The following SLC25A27 variants were observed in gnomAD, a reference collection of about 807,000 sequenced individuals.
SLC25A27 encodes the protein mitochondrial uncoupling protein 4.
Under a neutral mutation model 49.1 loss-of-function variants are expected in SLC25A27, and 35 were observed. That is an observed-to-expected ratio of 0.71 (90% CI 0.54 to 0.95). The LOEUF is 0.95. SLC25A27 is among the 40% of genes least tolerant of loss of function. The pLI is 0.00. For missense variants in SLC25A27, 339 were observed against 397.1 expected (o/e 0.85, Z 1.24); for synonymous variants, 144 against 136.9 (o/e 1.05, Z -0.36).
At chr6:46,671,032 T>C in intron 7 of SLC25A27, 94 bp from the exon 8 acceptor site, 1 of 887,858 alleles carries the variant, frequency 1.1e-6, no homozygotes, top group Non-Finnish European at 1.7e-6. Flanking sequence ...GCCCGGCCAA[T>C]ATTTAATTTT....
chr6:46,655,008 T>A (rs914229111), intron 1 of SLC25A27, among the ~76,000 whole-genome samples: 1 of 152,208 alleles, frequency 6.6e-6, no homozygotes, highest in African/African-American at 2.4e-5. Context: ...TCTATCTTCC[T>A]TATGTAGGCC....
At chr6:46,655,698 A>AT in intron 1 of SLC25A27, 145 bp from the exon 2 acceptor site, 1 of 692,802 alleles carries the variant, frequency 1.4e-6, no homozygotes. Context: ...GAAATTTCTA[A>AT]TTTTTAAAAT....
chr6:46,661,512 A>C (rs897368369), intron 3 of SLC25A27, among the ~76,000 whole-genome samples: 2 of 152,238 alleles, frequency 1.3e-5, no homozygotes, highest in African/African-American at 4.8e-5. Flanking sequence ...ACAGTGCAGA[A>C]CACTGTACAA....
chr6:46,666,059 C>T (rs1424849961), intron 5 of SLC25A27, among the ~76,000 whole-genome samples: 1 of 152,154 alleles, frequency 6.6e-6, no homozygotes, highest in Non-Finnish European at 1.5e-5. Context: ...CCACTGCCTG[C>T]ACATACCAAA....
chr6:46,653,938 CCTT>C (rs1762870590), intron 1 of SLC25A27: 5 of 830,098 alleles, frequency 6.0e-6, no homozygotes, highest in Non-Finnish European at 2.9e-6. Context: ...CCAGTTCTGA[CCTT>C]CTTACAGGCT....
In SLC25A27 at chr6:46,677,445, TC is replaced by T; in HGVS notation, c.*992del. On this transcript the variant is annotated 3_prime_UTR_variant, in exon 9 of 9. Coordinates refer to ENST00000371347, the MANE Select transcript of SLC25A27 (RefSeq NM_004277.5). The stretch of plus-strand genomic sequence containing the variant: ...ATCTCCCTTACCTGACACTAGGGGC[TC>T]TAGAGAGGCAGAGAGAGCACTCACA... 6.6e-6 allele frequency: 1 copy of T among 152,148 alleles called. No homozygotes were observed. Among genetic ancestry groups the T allele is most frequent in the African/African-American group, 2.4e-5 (1 of 41,426 alleles). 9.4% of individuals were successfully genotyped at this position (152,148 alleles called of 1,614,324 possible). A position where few individuals can be genotyped will look rare whatever the true frequency, so the allele number is the denominator to read the frequency against.
intron 3 of SLC25A27, among the ~76,000 whole-genome samples, chr6:46,661,213 T>C (rs1352284753): frequency 2.0e-5 from 3 of 151,870 alleles, no homozygotes; most frequent in African/African-American, 7.3e-5. Flanking sequence ...GAGAAACAGG[T>C]ATGAGAGATG....
chr6:46,667,712 C>T (rs1432597007), intron 5 of SLC25A27, among the ~76,000 whole-genome samples: 1 of 152,058 alleles, frequency 6.6e-6, no homozygotes, highest in African/African-American at 2.4e-5. Context: ...GCCTGATCAC[C>T]CAATTTAAAA....
intron 1 of SLC25A27, chr6:46,653,644 A>G: frequency 1.0e-6 from 1 of 985,186 alleles, no homozygotes; most frequent in Non-Finnish European, 1.2e-6. Flanking sequence ...TTCCATCCTT[A>G]CTGAGATCAT....
intron 3 of SLC25A27, among the ~76,000 whole-genome samples, chr6:46,659,965 C>A (rs1233861483): frequency 6.6e-6 from 1 of 151,926 alleles, no homozygotes; most frequent in Non-Finnish European, 1.5e-5. Flanking sequence ...CCTCCTCCAT[C>A]CTCAAATGTG....
intron 4 of SLC25A27, among the ~76,000 whole-genome samples, chr6:46,663,982 C>A (rs1763245493): frequency 6.6e-6 from 1 of 152,104 alleles, no homozygotes; most frequent in African/African-American, 2.4e-5. Context: ...TTACAGTGAT[C>A]ATCATTCATG....
At position 46,677,067 on chromosome 6, in the gene SLC25A27, A is replaced by G. The variant is rs1358785070; in HGVS notation, c.*613A>G. 1 of 201,626 alleles carries G rather than the reference A, an allele frequency of 5.0e-6. No homozygotes were observed. 12.5% of individuals were successfully genotyped at this position (201,626 alleles called of 1,614,324 possible). On this transcript the variant is annotated 3_prime_UTR_variant, in exon 9 of 9. Coordinates refer to ENST00000371347, the MANE Select transcript of SLC25A27 (RefSeq NM_004277.5). The stretch of plus-strand genomic sequence containing the variant: ...AGATAAAAAAAATCAAGTTGAGATG[A>G]TGTTTGAATTTCAAGAAAAGAGGCT...
At chr6:46,655,531 G>GTTTTTTTTTT (rs1283936753) in intron 1 of SLC25A27, among the ~76,000 whole-genome samples, 6 of 98,548 alleles carry the variant, frequency 6.1e-5, no homozygotes, top group African/African-American at 1.9e-4. Flanking sequence ...TATTGTTAAT[G>GTTTTTTTTTT]TTTGTTTTTT....
intron 1 of SLC25A27, among the ~76,000 whole-genome samples, chr6:46,654,744 T>C (rs905353018): frequency 2.0e-5 from 3 of 152,212 alleles, no homozygotes; most frequent in Non-Finnish European, 4.4e-5. Context: ...CAATAAAATA[T>C]TGCTTGAAGT....
chr6:46,669,491 A>G (rs1303133091), intron 6 of SLC25A27, among the ~76,000 whole-genome samples: 1 of 152,202 alleles, frequency 6.6e-6, no homozygotes, highest in African/African-American at 2.4e-5. Context: ...TCCAAATTCT[A>G]AAACTTCCTA....
chr6:46,658,495 CTTTA>C, intron 2 of SLC25A27: 1 of 447,534 alleles, frequency 2.2e-6, no homozygotes, highest in Non-Finnish European at 4.5e-6. Context: ...AATTATGTAT[CTTTA>C]TTTAATGAAA....
At position 46,676,598 on chromosome 6, in the gene SLC25A27, T is replaced by G. The variant is rs552725382; in HGVS notation, c.*144T>G. 1.3e-6 allele frequency: 2 copies of G among 1,557,282 alleles called. No individual in the cohort carries two copies. Among genetic ancestry groups the G allele is most frequent in the South Asian group, 2.4e-5 (2 of 85,018 alleles). On this transcript the variant is annotated 3_prime_UTR_variant, in exon 9 of 9. Coordinates refer to ENST00000371347, the MANE Select transcript of SLC25A27 (RefSeq NM_004277.5). ...TGATTTATAGGGGGCAGCACTTTAT[T>G]TTTTTCTGGAAACCCAAGTTCTCTT... is the stretch of plus-strand genomic sequence containing the variant.
intron 3 of SLC25A27, 24 bp from the exon 4 acceptor site, chr6:46,662,352 A>T: frequency 6.2e-7 from 1 of 1,611,244 alleles, no homozygotes; most frequent in East Asian, 2.2e-5. Context: ...GGCAACTTTA[A>T]AAAGAATTTC....
At chr6:46,666,741 G>C (rs971461838) in intron 5 of SLC25A27, among the ~76,000 whole-genome samples, 6 of 151,830 alleles carry the variant, frequency 4.0e-5, no homozygotes, top group Non-Finnish European at 8.8e-5. Context: ...TTCTTTCTTA[G>C]TATGAGAAAG....
Sources: allele counts gnomAD v4.1 joint callset (sites outside exome capture counted in the v4.1 genomes callset), GRCh38; gene constraint gnomAD v4.1.1; transcripts MANE v1.5; gene names NCBI Gene and HGNC (gene_info 2026-07-23, HGNC 2026-07-21).